FBXL14: variants seen among roughly 807,000 people sequenced by gnomAD.
FBXL14 encodes the protein F-box/LRR-repeat protein 14.
In FBXL14, 11 loss-of-function variants were observed where a neutral mutation model predicts 24.5. The observed-to-expected ratio is 0.45, with a 90% CI of 0.28 to 0.74. FBXL14 has a LOEUF of 0.74. Ranked by LOEUF, FBXL14 falls within the 30% of genes least tolerant of loss-of-function variation. The pLI is 0.12. For missense variants in FBXL14, 384 were observed against 545.6 expected, an observed-to-expected ratio of 0.70 and a Z score of 2.95; for synonymous variants, 294 against 240.4, an observed-to-expected ratio of 1.22 and a Z score of -2.06.
chr12:1,576,364 C>T (rs2094455911), intron 1 of FBXL14, among the ~76,000 whole-genome samples: 1 of 152,080 alleles, frequency 6.6e-6, no homozygotes, highest in Non-Finnish European at 1.5e-5. Context: ...ATTTCTGTAC[C>T]AGTAAAATAG....
rs145888997 is a variant in FBXL14 at position 1,575,378 on chromosome 12, C to T, written c.1195-8568G>A. 3.7e-4 allele frequency among the ~76,000 whole-genome samples: 56 copies of T among 152,326 alleles called. 1 individual carries two copies. The highest frequency in any genetic ancestry group is 6.8e-3 in the Middle Eastern group (2 of 294). On this transcript the variant is annotated intron_variant, in intron 1 of 1. Transcript: ENST00000339235. ...AATCTTATCTATCTGTCTTATCTATCGACCTAACTGTCCATCTGGTTTTGA... is the reference window on the plus strand; with the variant it reads ...AATCTTATCTATCTGTCTTATCTATTGACCTAACTGTCCATCTGGTTTTGA...
rs371963951 is a variant in FBXL14 at position 1,592,861 on chromosome 12, C to T, written c.1194+12G>A. ...GGGACAAGGGGAGCTGGTGCTGCCG[C>T]CCTCACCTGACCTTCTCACTGTCCG... On this transcript the variant is annotated intron_variant, in intron 1 of 1. Transcript: ENST00000339235. The T allele has an allele frequency of 9.7e-6, 15 of 1,551,224 alleles. No homozygotes were observed. The African/African-American group carries it at 1.4e-4, about 14-fold the overall frequency.
At chr12:1,576,684 G>A (rs116231487) in intron 1 of FBXL14, among the ~76,000 whole-genome samples, 28 of 152,216 alleles carry the variant, frequency 1.8e-4, no homozygotes, top group Non-Finnish European at 3.2e-4. Context: ...TGGGTTGGGC[G>A]CAGTTCCCAG....
rs893138600 is a variant in FBXL14 at position 1,569,926 on chromosome 12, G to C, written c.1195-3116C>G. The stretch of plus-strand genomic sequence containing the variant: ...ACTGCAGAGCCAGCATCCCCCTCGA[G>C]AGCTGCACTTCTGCCCTCAGGCCCA... On this transcript the variant is annotated intron_variant, in intron 1 of 1. Transcript: ENST00000339235. The surrounding 1 kb of genome is among the most constrained non-coding windows in gnomAD (Gnocchi z 4.2). 5.9e-5 allele frequency among the ~76,000 whole-genome samples: 9 copies of C among 152,234 alleles called. No homozygotes were observed. Among genetic ancestry groups the C allele is most frequent in the African/African-American group, 1.9e-4 (8 of 41,462 alleles).
chr12:1,571,690 A>T (rs1341673378), intron 1 of FBXL14, among the ~76,000 whole-genome samples: 1 of 152,204 alleles, frequency 6.6e-6, no homozygotes, highest in African/African-American at 2.4e-5. Flanking sequence ...CGACTTTTTA[A>T]CAGATGCTGG....
In FBXL14 at chr12:1,569,679, C is replaced by T. The variant is rs375663493; in HGVS notation, c.1195-2869G>A. 1.1e-4 allele frequency among the ~76,000 whole-genome samples: 16 copies of T among 152,250 alleles called. No individual in the cohort carries two copies. The highest frequency in any genetic ancestry group is 2.1e-4 in the South Asian group (1 of 4,836). On this transcript the variant is annotated intron_variant, in intron 1 of 1. Coordinates refer to ENST00000339235, the MANE Select transcript of FBXL14 (RefSeq NM_152441.3). The surrounding 1 kb of genome is among the most constrained non-coding windows in gnomAD (Gnocchi z 4.2). ...CCTCCCAGAGTGCTGGGATTACAGGCGTGAGCCACCGCTCCCGGCACCACT... is the reference window on the plus strand; with the variant it reads ...CCTCCCAGAGTGCTGGGATTACAGGTGTGAGCCACCGCTCCCGGCACCACT...
In FBXL14 at chr12:1,593,229, G is replaced by T; in HGVS notation, c.838C>A (p.Arg280Ser). The change falls in exon 1 of 2, where the codon CGC becomes AGC. Residue 280 changes from arginine (R) to serine (S), a missense_variant. Physicochemically the swap from Arg to Ser is moderately radical, Grantham distance 110 (BLOSUM62 -1). Coordinates refer to ENST00000339235, the MANE Select transcript of FBXL14 (RefSeq NM_152441.3). The surrounding 1 kb of genome is among the most constrained non-coding windows in gnomAD (Gnocchi z 7.4). ...AACGAAACATCCAGCCCCGAGAGGCGCAGGCTGCCCATGGCCAGATGCATG... is the reference window on the plus strand; with the variant it reads ...AACGAAACATCCAGCCCCGAGAGGCTCAGGCTGCCCATGGCCAGATGCATG... ...GIMHLAMGSL[R>S]LSGLDVSFCD... The T allele has an allele frequency of 6.2e-7, 1 of 1,612,710 alleles. No homozygotes were observed.
rs1473745757 is a variant in FBXL14 at position 1,579,557 on chromosome 12, G to A, written c.1195-12747C>T. Among the ~76,000 whole-genome samples the A allele has an allele frequency of 1.3e-5, 2 of 150,504 alleles. No homozygotes were observed. Among genetic ancestry groups the A allele is most frequent in the Admixed American group, 6.7e-5 (1 of 15,032 alleles). On this transcript the variant is annotated intron_variant, in intron 1 of 1. Transcript: ENST00000339235. The surrounding 1 kb of genome is among the most constrained non-coding windows in gnomAD (Gnocchi z 4.3). ...CTTGAGGGGAGTGGGAGGTTGCAGT[G>A]AGCCGAGATCGCACCATTGCACTCC...
At position 1,569,091 on chromosome 12, in the gene FBXL14, G is replaced by T. The variant is rs910782615; in HGVS notation, c.1195-2281C>A. Among the ~76,000 whole-genome samples, 1 of 152,070 alleles carries T rather than the reference G, an allele frequency of 6.6e-6. No individual in the cohort carries two copies. The highest frequency in any genetic ancestry group is 1.5e-5 in the Non-Finnish European group (1 of 68,002). ...AGGATTGAGATATAAAGAATATATT[G>T]AAGCTTTTACAGAACAAAAAGGAAA... On this transcript the variant is annotated intron_variant, in intron 1 of 1. Transcript: ENST00000339235. The surrounding 1 kb of genome is among the most constrained non-coding windows in gnomAD (Gnocchi z 4.2).
chr12:1,574,072 A>G (rs1033975055), intron 1 of FBXL14, among the ~76,000 whole-genome samples: 1 of 151,998 alleles, frequency 6.6e-6, no homozygotes, highest in South Asian at 2.1e-4. Context: ...GCTGCGATTC[A>G]GGAGGATGAG....
chr12:1,587,498 TG>T (rs2094479428), intron 1 of FBXL14: 1 of 152,116 alleles, frequency 6.6e-6, no homozygotes, highest in African/African-American at 2.4e-5. Context: ...TATTCTGGGT[TG>T]GTAAAGGCAA....
At chr12:1,582,187 GGAA>G (rs1021747248) in intron 1 of FBXL14, among the ~76,000 whole-genome samples, 7 of 148,026 alleles carry the variant, frequency 4.7e-5, no homozygotes, top group Admixed American at 4.1e-4. Context: ...AGAAAAGAAA[GGAA>G]GAAAAGGAAG....
chr12:1,593,931 G>A lies in FBXL14; in HGVS notation c.136C>T (p.Arg46Trp), dbSNP rs373403328. ...RDAAYHKSVWRGVEAKLHLRR... is the reference protein window; with the variant it reads ...RDAAYHKSVWWGVEAKLHLRR... ...AGGTGCAGCTTGGCCTCCACCCCCC[G>A]CCACACCGACTTGTGGTAGGCGGCG... Residue 46 changes from arginine (R) to tryptophan (W), a missense_variant, in exon 1 of 2, where the codon CGG becomes TGG. Coordinates refer to ENST00000339235, the MANE Select transcript of FBXL14 (RefSeq NM_152441.3). The surrounding 1 kb of genome is among the most constrained non-coding windows in gnomAD (Gnocchi z 7.4). The A allele has an allele frequency of 3.8e-6, 6 of 1,582,232 alleles. No homozygotes were observed. In the African/African-American group the frequency reaches 4.0e-5, roughly 11 times the overall value.
chr12:1,585,678 T>C lies in FBXL14; in HGVS notation c.1194+7195A>G, dbSNP rs574490198. On this transcript the variant is annotated intron_variant, in intron 1 of 1. Coordinates refer to ENST00000339235, the MANE Select transcript of FBXL14 (RefSeq NM_152441.3). ...CACTGTGTGGTAGGTCTGATCCTTCTGGAGTGTGGATTACGTAAATGGGGG... is the reference window on the plus strand; with the variant it reads ...CACTGTGTGGTAGGTCTGATCCTTCCGGAGTGTGGATTACGTAAATGGGGG... Among the ~76,000 whole-genome samples the C allele has an allele frequency of 2.5e-3, 387 of 152,344 alleles. 1 individual carries two copies. Among genetic ancestry groups the C allele is most frequent in the African/African-American group, 8.8e-3 (366 of 41,578 alleles).
intron 1 of FBXL14, among the ~76,000 whole-genome samples, chr12:1,578,445 A>G (rs2094460041): frequency 6.6e-6 from 1 of 152,166 alleles, no homozygotes; most frequent in Non-Finnish European, 1.5e-5. Flanking sequence ...ATTTGAGACC[A>G]GTGTGGTCAA....
intron 1 of FBXL14, among the ~76,000 whole-genome samples, chr12:1,571,063 G>A (rs1212125477): frequency 1.3e-5 from 2 of 152,204 alleles, no homozygotes; most frequent in East Asian, 3.8e-4. Flanking sequence ...TGCTATGACT[G>A]CCTGATTGCA....
chr12:1,566,695 G>C lies in FBXL14; in HGVS notation c.*53C>G. 1.3e-6 allele frequency: 1 copy of C among 779,648 alleles called. No homozygotes were observed. Among genetic ancestry groups the C allele is most frequent in the Non-Finnish European group, 2.4e-6 (1 of 417,486 alleles). 48.3% of individuals were successfully genotyped at this position (779,648 alleles called of 1,614,324 possible). A position where few individuals can be genotyped will look rare whatever the true frequency, so the allele number is the denominator to read the frequency against. ...ACCAGAGTGCCGGAGGCGCAGAGCG[G>C]GCAAGTCTGGAAGTTAAAGATCCAC... On this transcript the variant is annotated 3_prime_UTR_variant, in exon 2 of 2. Transcript: ENST00000339235.
chr12:1,590,932 T>G (rs895231784), intron 1 of FBXL14, among the ~76,000 whole-genome samples: 1 of 152,164 alleles, frequency 6.6e-6, no homozygotes. Context: ...ACACCCACTC[T>G]CAGGGTAAAA....
In FBXL14 at chr12:1,569,632, A is replaced by C. The variant is rs1478049412; in HGVS notation, c.1195-2822T>G. On this transcript the variant is annotated intron_variant, in intron 1 of 1. Transcript: ENST00000339235. This position sits in a 1 kb window ranked among gnomAD's most constrained non-coding sequence, Gnocchi z 4.2. ...AGCCAGGATGGTCTCGATCTCCTGA[A>C]CTTGTGATCCGCCCGCCTCGGCCTC... Among the ~76,000 whole-genome samples, 5 of 151,946 alleles carry C rather than the reference A, an allele frequency of 3.3e-5. No individual in the cohort carries two copies. The East Asian group carries it at 5.8e-4, about 18-fold the overall frequency.
Sources: gnomAD v4.1 joint callset for allele counts (sites outside exome capture counted in the v4.1 genomes callset) on GRCh38, gnomAD v4.1.1 for gene constraint, Gnocchi (gnomAD v3.1) non-coding constraint, MANE v1.5 for transcripts, NCBI Gene and HGNC (gene_info 2026-07-23, HGNC 2026-07-21) for gene names.